The following CPA6 variants were observed in gnomAD, a reference collection of about 807,000 sequenced individuals.
The protein encoded by CPA6 is carboxypeptidase A6.
Under a neutral mutation model 63.3 loss-of-function variants are expected in CPA6, and 58 were observed. The observed-to-expected ratio is 0.92, with a 90% CI of 0.74 to 1.14. CPA6 has a LOEUF of 1.14. Ranked by LOEUF, CPA6 falls within the 50% of genes most tolerant of loss-of-function variation. The pLI is 0.00. For missense variants in CPA6, 565 were observed against 526.6 expected (o/e 1.07, Z -0.71); for synonymous variants, 185 against 179.0 (o/e 1.03, Z -0.27).
intron 9 of CPA6, among the ~76,000 whole-genome samples, chr8:67,430,430 C>T (rs1174069340): frequency 6.6e-6 from 1 of 151,932 alleles, no homozygotes; most frequent in Non-Finnish European, 1.5e-5. Flanking sequence ...TCTGATCTGC[C>T]TGCCTTGGCC....
intron 1 of CPA6, among the ~76,000 whole-genome samples, chr8:67,715,172 C>G (rs567713586): frequency 6.6e-6 from 1 of 152,310 alleles, no homozygotes; most frequent in Non-Finnish European, 1.5e-5. Flanking sequence ...CAGTCTGATG[C>G]TGACTACCCA....
chr8:67,445,889 TATTTA>T (rs955647861), intron 8 of CPA6, among the ~76,000 whole-genome samples: 2 of 152,128 alleles, frequency 1.3e-5, no homozygotes, highest in African/African-American at 2.4e-5. Flanking sequence ...TATACTTAAA[TATTTA>T]ATGGAAAAAA....
chr8:67,653,150 A>G (rs1443019554), intron 1 of CPA6, among the ~76,000 whole-genome samples: 1 of 150,872 alleles, frequency 6.6e-6, no homozygotes, highest in Non-Finnish European at 1.5e-5. Flanking sequence ...GTAGCCTTGT[A>G]GTATAGTTTG....
chr8:67,607,248 T>TCCTCCTC (rs1564021530), intron 2 of CPA6, among the ~76,000 whole-genome samples: 1 of 83,438 alleles, frequency 1.2e-5, no homozygotes, highest in Non-Finnish European at 2.4e-5. Flanking sequence ...TTCTTCTTCT[T>TCCTCCTC]CTTCTCCTCC....
At chr8:67,469,752 C>T (rs1468062271) in intron 8 of CPA6, among the ~76,000 whole-genome samples, 2 of 152,210 alleles carry the variant, frequency 1.3e-5, no homozygotes, top group Non-Finnish European at 2.9e-5. Context: ...TTGGACTTGC[C>T]AACCTCTGTA....
At chr8:67,541,694 T>C (rs1812710425) in intron 2 of CPA6, among the ~76,000 whole-genome samples, 1 of 152,170 alleles carries the variant, frequency 6.6e-6, no homozygotes, top group Admixed American at 6.5e-5. Flanking sequence ...GGGTTTTGTC[T>C]GCGGCTTGTC....
chr8:67,559,870 T>TACACAC (rs1554674455), intron 2 of CPA6, among the ~76,000 whole-genome samples: 6 of 146,786 alleles, frequency 4.1e-5, no homozygotes, highest in Admixed American at 2.0e-4. Context: ...TATATATGTA[T>TACACAC]ACACACACAC....
intron 2 of CPA6, among the ~76,000 whole-genome samples, chr8:67,519,645 T>C (rs879396074): frequency 1.3e-5 from 2 of 152,188 alleles, no homozygotes; most frequent in African/African-American, 4.8e-5. Flanking sequence ...CAAGGGCAAA[T>C]CTGACTCAGC....
At chr8:67,647,024 C>T (rs1046277604) in intron 1 of CPA6, among the ~76,000 whole-genome samples, 1 of 152,008 alleles carries the variant, frequency 6.6e-6, no homozygotes, top group Non-Finnish European at 1.5e-5. Flanking sequence ...AAATGGATTA[C>T]AGGGAAAGGG....
In CPA6 at chr8:67,637,981, T is replaced by TG. The variant is rs1563372142; in HGVS notation, c.117-13731_117-13730insC. 4.4e-4 allele frequency among the ~76,000 whole-genome samples: 64 copies of TG among 146,570 alleles called. 2 individuals carry two copies. The highest frequency in any genetic ancestry group is 1.2e-3 in the African/African-American group (47 of 38,334). On this transcript the variant is annotated intron_variant, in intron 1 of 10. Transcript: ENST00000297770. ...AAAGCCCTTAGTAATGCTAGAAATT[T>TG]TGTGTGTGTGTGTGTGTGTGTGTGT...
At chr8:67,466,552 A>G (rs1247266007) in intron 8 of CPA6, among the ~76,000 whole-genome samples, 1 of 152,140 alleles carries the variant, frequency 6.6e-6, no homozygotes, top group Non-Finnish European at 1.5e-5. Context: ...GTGTTATGTT[A>G]GATCATTAAT....
intron 1 of CPA6, 133 bp from the exon 2 acceptor site, chr8:67,624,384 G>A (rs965078808): frequency 2.1e-5 from 11 of 520,020 alleles, no homozygotes; most frequent in Admixed American, 1.9e-4. Flanking sequence ...GGCCCAGTAA[G>A]TATTTTATCC....
intron 2 of CPA6, among the ~76,000 whole-genome samples, chr8:67,537,544 CTTTGTCATTTTT>C: frequency 6.6e-6 from 1 of 152,216 alleles, no homozygotes; most frequent in Admixed American, 6.5e-5. Flanking sequence ...GTGATATCCC[CTTTGTCATTTTT>C]TTATTGCATC....
chr8:67,461,769 G>A (rs1228582685), intron 8 of CPA6, among the ~76,000 whole-genome samples: 1 of 151,914 alleles, frequency 6.6e-6, no homozygotes, highest in Non-Finnish European at 1.5e-5. Flanking sequence ...GGGCGGCCGG[G>A]CAGAGGCGCC....
At chr8:67,655,829 C>T (rs1262302841) in intron 1 of CPA6, among the ~76,000 whole-genome samples, 2 of 152,084 alleles carry the variant, frequency 1.3e-5, no homozygotes, top group Non-Finnish European at 2.9e-5. Context: ...AGACATAACA[C>T]TGAGGAGGCA....
At chr8:67,547,258 G>A (rs1812837595) in intron 2 of CPA6, among the ~76,000 whole-genome samples, 1 of 152,114 alleles carries the variant, frequency 6.6e-6, no homozygotes, top group Non-Finnish European at 1.5e-5. Flanking sequence ...GTGTTAGCCA[G>A]GATGGTCTCG....
intron 2 of CPA6, among the ~76,000 whole-genome samples, chr8:67,590,329 G>GAAT (rs1278604943): frequency 2.0e-5 from 3 of 151,558 alleles, no homozygotes; most frequent in Non-Finnish European, 1.5e-5. Flanking sequence ...TTGCTATTGT[G>GAAT]AATAGTGCCG....
intron 8 of CPA6, among the ~76,000 whole-genome samples, chr8:67,480,337 G>T (rs1811332000): frequency 6.6e-6 from 1 of 151,812 alleles, no homozygotes; most frequent in African/African-American, 2.4e-5. Flanking sequence ...CCCCTCAAAA[G>T]TTACTCCCTA....
At chr8:67,468,421 A>G (rs1056667077) in intron 8 of CPA6, among the ~76,000 whole-genome samples, 8 of 151,380 alleles carry the variant, frequency 5.3e-5, no homozygotes, top group Non-Finnish European at 1.0e-4. Flanking sequence ...TGTCTCTACT[A>G]AAAATACTAA....
Sources: gnomAD v4.1 joint callset for allele counts (sites outside exome capture counted in the v4.1 genomes callset) on GRCh38, gnomAD v4.1.1 for gene constraint, MANE v1.5 for transcripts, NCBI Gene and HGNC (gene_info 2026-07-23, HGNC 2026-07-21) for gene names.